The following UAP1 variants were observed in gnomAD, a reference collection of about 807,000 sequenced individuals.
UAP1 encodes UDP-N-acetylglucosamine pyrophosphorylase 1.
A neutral mutation model predicts 58.5 loss-of-function variants in UAP1; 25 were observed. The observed-to-expected ratio is 0.43, with a 90% CI of 0.31 to 0.60. The LOEUF (loss-of-function observed/expected upper bound fraction) is 0.60. UAP1 is among the 20% of genes least tolerant of loss of function. The pLI, the probability that UAP1 is intolerant of heterozygous loss-of-function variation, is 0.11. For missense variants in UAP1, 575 were observed against 630.0 expected, an observed-to-expected ratio of 0.91 and a Z score of 0.93; for synonymous variants, 208 against 213.0, an observed-to-expected ratio of 0.98 and a Z score of 0.21.
At position 162,590,519 on chromosome 1, in the gene UAP1, A is replaced by G; in HGVS notation, c.1358+8A>G. The G allele has an allele frequency of 6.3e-7, 1 of 1,593,858 alleles. No homozygotes were observed. Among genetic ancestry groups the G allele is most frequent in the Non-Finnish European group, 8.5e-7 (1 of 1,170,664 alleles). On this transcript the variant is annotated splice_region_variant and intron_variant, in intron 8 of 10. Transcript: ENST00000271469. ...CCTTCCAGCAATTCCCCGGTAAGTC[A>G]GTATCTTTTCTCTTTTGTATGAATC... is the stretch of plus-strand genomic sequence containing the variant.
At chr1:162,577,435 CTTTTTTTTTT>C (rs67627704) in intron 3 of UAP1, among the ~76,000 whole-genome samples, 49 of 95,238 alleles carry the variant, frequency 5.1e-4, no homozygotes, top group East Asian at 1.2e-3. Flanking sequence ...AGTTCCTTCC[CTTTTTTTTTT>C]TTTTTTTTTT....
chr1:162,577,055 T>C, intron 3 of UAP1, 74 bp downstream of exon 3: 4 of 1,375,660 alleles, frequency 2.9e-6, no homozygotes, highest in Non-Finnish European at 2.0e-6. Context: ...ATATATACTT[T>C]ATGCACTCAC....
At chr1:162,572,349 G>C (rs970706842) in intron 2 of UAP1, among the ~76,000 whole-genome samples, 4 of 152,212 alleles carry the variant, frequency 2.6e-5, no homozygotes, top group African/African-American at 9.6e-5. Flanking sequence ...CTAAGGAAGA[G>C]AAAAGTTTAT....
chr1:162,579,549 A>C, exon 4 of UAP1: 1 of 1,607,696 alleles, frequency 6.2e-7, no homozygotes, highest in African/African-American at 1.3e-5. Context: ...CCCCGCCATG[A>C]GTTTTGATGG....
chr1:162,595,390 G>A lies in UAP1; in HGVS notation c.1410-2402G>A, dbSNP rs546108571. ...ACTGGGCTATATACATCTTAATGGG[G>A]TGGGCCCTCATTTTTTCCTTTTTTT... On this transcript the variant is annotated intron_variant, in intron 9 of 10. Transcript: ENST00000271469. 2.6e-5 allele frequency among the ~76,000 whole-genome samples: 4 copies of A among 152,198 alleles called. No individual in the cohort carries two copies. The South Asian group carries it at 8.3e-4, about 32-fold the overall frequency.
intron 3 of UAP1, among the ~76,000 whole-genome samples, chr1:162,577,799 A>T (rs976137428): frequency 6.6e-6 from 1 of 151,914 alleles, no homozygotes; most frequent in Non-Finnish European, 1.5e-5. Flanking sequence ...TTTAGTAGAG[A>T]TGGAGTTTCA....
At chr1:162,599,494 C>G in exon 11 of UAP1, 1 of 546,026 alleles carries the variant, frequency 1.8e-6, no homozygotes, top group Non-Finnish European at 3.2e-6. Flanking sequence ...TTGTTGAACT[C>G]TTAGAGCTAT....
chr1:162,584,613 G>A (rs975947881), intron 5 of UAP1, among the ~76,000 whole-genome samples: 1 of 152,144 alleles, frequency 6.6e-6, no homozygotes, highest in Non-Finnish European at 1.5e-5. Context: ...CTCCTGAGTA[G>A]CTGAGACTAC....
At chr1:162,588,056 G>A (rs78461278) in intron 6 of UAP1, 340 of 159,380 alleles carry the variant, frequency 2.1e-3, no homozygotes, top group African/African-American at 7.6e-3. Context: ...GTGGGTTCGG[G>A]GCATCTATAT....
chr1:162,570,217 T>G (rs1007478812), intron 2 of UAP1, among the ~76,000 whole-genome samples: 1 of 152,102 alleles, frequency 6.6e-6, no homozygotes, highest in South Asian at 2.1e-4. Context: ...GAAAAAATAC[T>G]AATCTCTCTG....
At chr1:162,579,717 G>GTT (rs1033728707) in intron 4 of UAP1, 114 bp downstream of exon 4, 79 of 922,898 alleles carry the variant, frequency 8.6e-5, no homozygotes, top group Middle Eastern at 2.4e-4. Flanking sequence ...ATATATATGT[G>GTT]TTTTTTGCAG....
At chr1:162,592,665 A>G in intron 8 of UAP1, 67 bp from the exon 9 acceptor site, 3 of 1,234,704 alleles carry the variant, frequency 2.4e-6, no homozygotes, top group Admixed American at 2.0e-5. Context: ...TATATTTTGC[A>G]ACTCCATTTC....
chr1:162,569,182 A>G (rs201206260), intron 2 of UAP1, among the ~76,000 whole-genome samples: 10 of 152,246 alleles, frequency 6.6e-5, no homozygotes, highest in East Asian at 3.8e-4. Flanking sequence ...AAGAGAAGCC[A>G]TTGTGAAGAT....
At chr1:162,584,508 TCTCA>T (rs1654791788) in intron 5 of UAP1, among the ~76,000 whole-genome samples, 2 of 152,184 alleles carry the variant, frequency 1.3e-5, no homozygotes, top group Non-Finnish European at 2.9e-5. Flanking sequence ...TGAGACAGGA[TCTCA>T]CTCTGCCACC....
At chr1:162,565,435 G>A (rs1160310909) in intron 1 of UAP1, among the ~76,000 whole-genome samples, 1 of 152,202 alleles carries the variant, frequency 6.6e-6, no homozygotes, top group African/African-American at 2.4e-5. Context: ...GAAAATAGAT[G>A]TGTTATTGCT....
intron 5 of UAP1, 133 bp from the exon 6 acceptor site, chr1:162,587,341 TA>T: frequency 1.3e-6 from 1 of 780,114 alleles, no homozygotes; most frequent in Non-Finnish European, 2.0e-6. Flanking sequence ...GTTGATTGTC[TA>T]AAGTTAAAGA....
Position 162,592,793 on chromosome 1 carries a change from C to T in UAP1, c.1409+11C>T. 1 of 1,548,390 alleles carries T rather than the reference C, an allele frequency of 6.5e-7. No individual in the cohort carries two copies. Reference sequence around the variant, plus strand: ...TGATGTCAATCACAAGTAAATATACCAGCCTGCCTACAGTGCATGGTGATG... The same window carrying T: ...TGATGTCAATCACAAGTAAATATACTAGCCTGCCTACAGTGCATGGTGATG... On this transcript the variant is annotated intron_variant, in intron 9 of 10. Coordinates refer to ENST00000271469, the Ensembl canonical transcript of UAP1.
At chr1:162,597,768 A>G (rs905077719) in intron 9 of UAP1, 24 bp from the exon 10 acceptor site, 7 of 1,607,544 alleles carry the variant, frequency 4.4e-6, no homozygotes, top group Non-Finnish European at 6.0e-6. Context: ...AAAGTCTTTA[A>G]CACATACTTG....
chr1:162,565,049 T>G (rs1653403188), intron 1 of UAP1, among the ~76,000 whole-genome samples: 1 of 152,012 alleles, frequency 6.6e-6, no homozygotes, highest in Admixed American at 6.6e-5. Context: ...TTGTGTTTTT[T>G]GTAGGGGTGG....
Sources: allele counts gnomAD v4.1 joint callset (sites outside exome capture counted in the v4.1 genomes callset), GRCh38; gene constraint gnomAD v4.1.1; transcripts MANE v1.5; gene names NCBI Gene and HGNC (gene_info 2026-07-23, HGNC 2026-07-21).